The following NRL variants were observed in gnomAD, a reference collection of about 807,000 sequenced individuals.
NRL encodes neural retina leucine zipper.
NRL carries 16 observed loss-of-function variants against 12.5 expected under a neutral mutation model. That is an observed-to-expected ratio of 1.28 (90% CI 0.87 to 1.95). NRL has a LOEUF of 1.95. Ranked by LOEUF, NRL falls within the 30% of genes most tolerant of loss-of-function variation. NRL has a pLI of 0.00. For missense variants in NRL, 314 were observed against 325.8 expected (o/e 0.96, Z 0.28); for synonymous variants, 142 against 150.9 (o/e 0.94, Z 0.43).
intron 1 of NRL, chr14:24,098,654 G>A (rs141448927): frequency 1.9e-5 from 31 of 1,613,816 alleles, no homozygotes; most frequent in African/African-American, 1.3e-4. Flanking sequence ...TCTGCACTCC[G>A]TGGGCCAGCC....
chr14:24,094,222 G>T lies in NRL; in HGVS notation c.-27-11347C>A. 1.7e-6 allele frequency: 1 copy of T among 588,374 alleles called. No homozygotes were observed. The highest frequency in any genetic ancestry group is 2.1e-5 in the South Asian group (1 of 48,308). The allele number at this position is 588,374 out of a possible 1,614,324, so 36.4% of individuals were successfully genotyped here. On this transcript the variant is annotated intron_variant, in intron 1 of 2. Transcript: ENST00000561028. This position sits in a 1 kb window ranked among gnomAD's most constrained non-coding sequence, Gnocchi z 4.1. ...GGGCCGAGGGAGCTGGCCTGCCAGCGGGGCGGAGGAAAGCTAGTGCCAGCC... is the reference window on the plus strand; with the variant it reads ...GGGCCGAGGGAGCTGGCCTGCCAGCTGGGCGGAGGAAAGCTAGTGCCAGCC...
chr14:24,081,594 G>A lies in NRL; in HGVS notation c.382-26C>T, dbSNP rs750445329. 142 of 1,569,862 alleles carry A rather than the reference G, an allele frequency of 9.0e-5. No individual in the cohort carries two copies. The highest frequency in any genetic ancestry group is 1.1e-4 in the Non-Finnish European group (133 of 1,159,114). On this transcript the variant is annotated intron_variant, in intron 2 of 2. Transcript: ENST00000561028. The surrounding 1 kb of genome is among the most constrained non-coding windows in gnomAD (Gnocchi z 4.4). ...CTGCGGAGGGAGAATGCAGAAACCG[G>A]GTCAGCGCCAGGTCGCACCCGGCTC...
chr14:24,084,320 T>G (rs1298653047), intron 1 of NRL, among the ~76,000 whole-genome samples: 1 of 152,148 alleles, frequency 6.6e-6, no homozygotes, highest in Non-Finnish European at 1.5e-5. Flanking sequence ...CAGAAAGAAC[T>G]GGATGTACAG....
At chr14:24,088,927 T>C (rs1040453295) in intron 1 of NRL, among the ~76,000 whole-genome samples, 1 of 148,780 alleles carries the variant, frequency 6.7e-6, no homozygotes, top group Non-Finnish European at 1.5e-5. Context: ...TGCCTCAGAC[T>C]CCGGCTGGAA....
chr14:24,095,613 G>C (rs2036835948), intron 1 of NRL, among the ~76,000 whole-genome samples: 1 of 152,092 alleles, frequency 6.6e-6, no homozygotes, highest in African/African-American at 2.4e-5. Flanking sequence ...AGAAGAGCCA[G>C]GGGAAGCACG....
chr14:24,084,554 G>C (rs1412190861), intron 1 of NRL: 3 of 985,368 alleles, frequency 3.0e-6, no homozygotes, highest in Non-Finnish European at 2.4e-6. Flanking sequence ...GTCAGTGCCA[G>C]AGCCAGACAG....
intron 1 of NRL, chr14:24,099,274 C>A: frequency 6.4e-7 from 1 of 1,565,856 alleles, no homozygotes; most frequent in Admixed American, 1.7e-5. Context: ...CTGCCGGGGA[C>A]AGGGCAGGGG....
In NRL at chr14:24,079,373, G is replaced by A. The variant is rs908793614; in HGVS notation, c.*1863C>T. Among the ~76,000 whole-genome samples the A allele has an allele frequency of 2.6e-5, 4 of 152,190 alleles. No individual in the cohort carries two copies. The highest frequency in any genetic ancestry group is 5.9e-5 in the Non-Finnish European group (4 of 68,038). On this transcript the variant is annotated 3_prime_UTR_variant, in exon 3 of 3. Coordinates refer to ENST00000561028, the MANE Select transcript of NRL (RefSeq NM_001354768.3). The stretch of plus-strand genomic sequence containing the variant: ...CTGGGCTCCCGGAAGGACCCTCCCT[G>A]CCCCATCCTCTCCCTTCAACAATGA...
At chr14:24,101,531 C>T (rs551584351) in intron 1 of NRL, among the ~76,000 whole-genome samples, 1 of 152,348 alleles carries the variant, frequency 6.6e-6, no homozygotes, top group South Asian at 2.1e-4. Context: ...CTGAGGTTAT[C>T]CCTACCCATG....
At chr14:24,099,308 GC>G in intron 1 of NRL, 1 of 1,415,010 alleles carries the variant, frequency 7.1e-7, no homozygotes, top group Non-Finnish European at 9.6e-7. Context: ...GTCTGCCTCA[GC>G]CTCACCTCCC....
Position 24,113,674 on chromosome 14 carries a change from C to T in NRL, c.-28+1048G>A, listed in dbSNP as rs111567488. 1.2e-3 allele frequency among the ~76,000 whole-genome samples: 186 copies of T among 152,382 alleles called. 1 individual carries two copies. Among genetic ancestry groups the T allele is most frequent in the African/African-American group, 4.3e-3 (179 of 41,600 alleles). ...ATTAAACCAAACATTCAGGACCCTTCTAAGCGCAGAGGCCATCAAAGCTAG... is the reference window on the plus strand; with the variant it reads ...ATTAAACCAAACATTCAGGACCCTTTTAAGCGCAGAGGCCATCAAAGCTAG... On this transcript the variant is annotated intron_variant, in intron 1 of 2. Coordinates refer to ENST00000561028, the MANE Select transcript of NRL (RefSeq NM_001354768.3).
At chr14:24,083,181 T>C (rs1362090426) in intron 1 of NRL, among the ~76,000 whole-genome samples, 1 of 152,216 alleles carries the variant, frequency 6.6e-6, no homozygotes, top group Admixed American at 6.5e-5. Context: ...CTCCCAACCC[T>C]AGTGCTGAGA....
chr14:24,103,463 AC>A (rs1594313069), intron 1 of NRL: 1 of 1,472,732 alleles, frequency 6.8e-7, no homozygotes, highest in Non-Finnish European at 9.2e-7. Flanking sequence ...GCCCTTCCCT[AC>A]CCCAGTGAGA....
chr14:24,095,386 T>C (rs2036823257), intron 1 of NRL: 1 of 381,126 alleles, frequency 2.6e-6, no homozygotes, highest in Admixed American at 3.0e-5. Context: ...CAGGTCCCAG[T>C]AGCCCTCCTC....
intron 1 of NRL, among the ~76,000 whole-genome samples, chr14:24,106,728 AAAT>A (rs1353465403): frequency 6.9e-6 from 1 of 145,152 alleles, no homozygotes; most frequent in Non-Finnish European, 1.5e-5. Context: ...CTCAAAAAAA[AAAT>A]AAATAAATAA....
chr14:24,090,714 A>G (rs2036601246), intron 1 of NRL, among the ~76,000 whole-genome samples: 1 of 152,076 alleles, frequency 6.6e-6, no homozygotes, highest in Admixed American at 6.6e-5. Flanking sequence ...CCCTGGTGGT[A>G]CTCCTTGGAC....
At chr14:24,086,169 G>C (rs908644637) in intron 1 of NRL, among the ~76,000 whole-genome samples, 1 of 152,070 alleles carries the variant, frequency 6.6e-6, no homozygotes, top group Non-Finnish European at 1.5e-5. Context: ...AGCCGAGATC[G>C]TGCCCCTGCA....
Position 24,094,451 on chromosome 14 carries a change from C to T in NRL, c.-27-11576G>A. 6.5e-7 allele frequency: 1 copy of T among 1,532,888 alleles called. No individual in the cohort carries two copies. Among genetic ancestry groups the T allele is most frequent in the Non-Finnish European group, 8.7e-7 (1 of 1,146,360 alleles). 95.0% of individuals were successfully genotyped at this position (1,532,888 alleles called of 1,614,324 possible). ...TGGCCTGCGGTGAGTGACCCCCGGCCCGGGGCCCACCCGCACCTTCCGCTG... is the reference window on the plus strand; with the variant it reads ...TGGCCTGCGGTGAGTGACCCCCGGCTCGGGGCCCACCCGCACCTTCCGCTG... On this transcript the variant is annotated intron_variant, in intron 1 of 2. Coordinates refer to ENST00000561028, the MANE Select transcript of NRL (RefSeq NM_001354768.3). This position sits in a 1 kb window ranked among gnomAD's most constrained non-coding sequence, Gnocchi z 4.1.
At chr14:24,103,333 C>A in intron 1 of NRL, 6 of 1,270,840 alleles carry the variant, frequency 4.7e-6, no homozygotes, top group Non-Finnish European at 4.5e-6. Context: ...CCAGACCTTC[C>A]TTTTGTCCAC....
Sources: allele counts gnomAD v4.1 joint callset (sites outside exome capture counted in the v4.1 genomes callset), GRCh38; gene constraint gnomAD v4.1.1; non-coding constraint Gnocchi (gnomAD v3.1); transcripts MANE v1.5; gene names NCBI Gene and HGNC (gene_info 2026-07-23, HGNC 2026-07-21).